Variants in DPYD observed in about 807,000 individuals in gnomAD.
DPYD encodes the protein dihydropyrimidine dehydrogenase [NADP(+)].
Under a neutral mutation model 116.2 loss-of-function variants are expected in DPYD, and 109 were observed. The ratio of observed to expected loss-of-function variants is 0.94; its 90% CI spans 0.80 to 1.10. The LOEUF is 1.10. Ranked by LOEUF, DPYD falls within the 50% of genes least tolerant of loss-of-function variation. The probability of loss-of-function intolerance (pLI) is 0.00; values close to 1 mark genes in which losing one functional copy is unlikely to be tolerated. For missense variants in DPYD, 1,302 were observed against 1,254.5 expected (o/e 1.04, Z -0.57); for synonymous variants, 440 against 432.0 (o/e 1.02, Z -0.23).
Position 97,598,502 on chromosome 1 carries a change from T to C in DPYD, c.851-3336A>G, listed in dbSNP as rs183379927. Among the ~76,000 whole-genome samples the C allele has an allele frequency of 2.2e-3, 339 of 152,250 alleles. 4 individuals are homozygous for C. Among genetic ancestry groups the C allele is most frequent in the Non-Finnish European group, 2.4e-3 (163 of 67,998 alleles). The stretch of plus-strand genomic sequence containing the variant: ...GGCCGGATAGTTTGTTTCTTTAGAA[T>C]AGTTATTGAAGTTTTTGGTGTTTTA... On this transcript the variant is annotated intron_variant, in intron 8 of 22. Coordinates refer to ENST00000370192, the MANE Select transcript of DPYD (RefSeq NM_000110.4).
chr1:97,337,200 A>T (rs1365817682), intron 16 of DPYD, among the ~76,000 whole-genome samples: 1 of 152,214 alleles, frequency 6.6e-6, no homozygotes, highest in Non-Finnish European at 1.5e-5. Context: ...GAAATGAAAA[A>T]TGTAAAAGCT....
chr1:97,705,779 A>G (rs530202305), intron 5 of DPYD, among the ~76,000 whole-genome samples: 1 of 152,076 alleles, frequency 6.6e-6, no homozygotes, highest in African/African-American at 2.4e-5. Context: ...ATTTGTCCAC[A>G]TCTTCTCCAG....
intron 11 of DPYD, among the ~76,000 whole-genome samples, chr1:97,571,704 A>G (rs1032018166): frequency 2.6e-5 from 4 of 151,966 alleles, no homozygotes; most frequent in African/African-American, 9.7e-5. Flanking sequence ...TAACATGAAT[A>G]TCTTCTCTTC....
At chr1:97,517,111 T>C (rs1648288306) in intron 12 of DPYD, among the ~76,000 whole-genome samples, 1 of 152,192 alleles carries the variant, frequency 6.6e-6, no homozygotes, top group Admixed American at 6.6e-5. Context: ...ACTTAATATG[T>C]AAAAAGGCAT....
At chr1:97,700,290 G>C (rs1158181605) in intron 5 of DPYD, 1 of 455,910 alleles carries the variant, frequency 2.2e-6, no homozygotes, top group African/African-American at 2.0e-5. Context: ...TGGAAATGTA[G>C]GAGGCCATTA....
At chr1:97,800,553 T>G (rs529493315) in intron 3 of DPYD, among the ~76,000 whole-genome samples, 1 of 152,040 alleles carries the variant, frequency 6.6e-6, no homozygotes, top group Admixed American at 6.6e-5. Context: ...ATTAAAACTT[T>G]CCTCTTTCTC....
intron 22 of DPYD, among the ~76,000 whole-genome samples, chr1:97,081,712 CTTTTCT>C (rs1308561654): frequency 2.2e-5 from 3 of 138,540 alleles, no homozygotes; most frequent in African/African-American, 5.3e-5. Flanking sequence ...CTTTTCTTTT[CTTTTCT>C]TTTTTTTTTT....
intron 8 of DPYD, among the ~76,000 whole-genome samples, chr1:97,651,290 T>C (rs1658566597): frequency 6.6e-6 from 1 of 152,142 alleles, no homozygotes; most frequent in African/African-American, 2.4e-5. Flanking sequence ...AGAACAGCAT[T>C]AAAAATCCCC....
At chr1:97,576,309 T>C (rs1394201890) in intron 10 of DPYD, among the ~76,000 whole-genome samples, 3 of 152,180 alleles carry the variant, frequency 2.0e-5, no homozygotes, top group East Asian at 1.9e-4. Flanking sequence ...TAAATCAATA[T>C]ACAATGTGTA....
At chr1:97,128,099 A>C (rs1652986479) in intron 20 of DPYD, among the ~76,000 whole-genome samples, 1 of 152,188 alleles carries the variant, frequency 6.6e-6, no homozygotes, top group Non-Finnish European at 1.5e-5. Flanking sequence ...ACTCTCACTG[A>C]AACAGGCACT....
chr1:97,604,100 T>C (rs1225586932), intron 8 of DPYD, among the ~76,000 whole-genome samples: 5 of 152,118 alleles, frequency 3.3e-5, no homozygotes, highest in African/African-American at 1.2e-4. Context: ...CTTGTGACTC[T>C]CTTAGCTGCT....
In DPYD at chr1:97,307,150, C is replaced by T. The variant is rs575038894; in HGVS notation, c.2059-853G>A. ...TTTGATTTCAACACATACAATAGTC[C>T]TTTTTTTCATTACTTTTAGTGCAAA... On this transcript the variant is annotated intron_variant, in intron 16 of 22. Transcript: ENST00000370192. Among the ~76,000 whole-genome samples, 7 of 151,876 alleles carry T rather than the reference C, an allele frequency of 4.6e-5. No individual in the cohort carries two copies. The South Asian group carries it at 1.5e-3, about 31-fold the overall frequency.
intron 20 of DPYD, among the ~76,000 whole-genome samples, chr1:97,135,092 G>A (rs1362965258): frequency 6.6e-6 from 1 of 151,960 alleles, no homozygotes; most frequent in Non-Finnish European, 1.5e-5. Context: ...TAAGCATTAA[G>A]TTTGGTCACC....
intron 1 of DPYD, chr1:97,883,824 T>C (rs776896528): frequency 2.8e-6 from 1 of 360,434 alleles, no homozygotes; most frequent in African/African-American, 4.7e-5. Context: ...GAAAGAAAAC[T>C]TAGGAATCAC....
intron 20 of DPYD, among the ~76,000 whole-genome samples, chr1:97,138,414 T>C (rs1007362539): frequency 6.6e-6 from 1 of 152,124 alleles, no homozygotes; most frequent in Admixed American, 6.6e-5. Flanking sequence ...AATACTAGGA[T>C]GTGCTGTGTT....
chr1:97,592,819 C>A (rs1571021288), intron 10 of DPYD, among the ~76,000 whole-genome samples: 1 of 152,154 alleles, frequency 6.6e-6, no homozygotes, highest in African/African-American at 2.4e-5. Context: ...TCTTAGAATG[C>A]AGTCTGTAAA....
chr1:97,636,669 G>T (rs956628349), intron 8 of DPYD, among the ~76,000 whole-genome samples: 1 of 147,088 alleles, frequency 6.8e-6, no homozygotes, highest in African/African-American at 2.5e-5. Flanking sequence ...ACAAACTTTT[G>T]CTTCCCCACT....
chr1:97,210,641 T>G (rs1414213121), intron 19 of DPYD, among the ~76,000 whole-genome samples: 2 of 152,214 alleles, frequency 1.3e-5, no homozygotes, highest in African/African-American at 4.8e-5. Flanking sequence ...TTCATTTATC[T>G]GCATTGGCTT....
At chr1:97,273,590 A>G (rs1664737611) in intron 18 of DPYD, among the ~76,000 whole-genome samples, 1 of 152,196 alleles carries the variant, frequency 6.6e-6, no homozygotes. Flanking sequence ...CTATTTATAA[A>G]TTGGAAAGTC....
Sources: gnomAD v4.1 joint callset for allele counts (sites outside exome capture counted in the v4.1 genomes callset) on GRCh38, gnomAD v4.1.1 for gene constraint, MANE v1.5 for transcripts, NCBI Gene and HGNC (gene_info 2026-07-23, HGNC 2026-07-21) for gene names.